Variants in RNPS1 observed in about 807,000 individuals in gnomAD.
RNPS1 encodes the protein RNA-binding protein with serine-rich domain 1.
For synonymous variants in RNPS1, 147 were observed against 150.0 expected, an observed-to-expected ratio of 0.98 and a Z score of 0.15; for missense variants, 300 against 427.6, an observed-to-expected ratio of 0.70 and a Z score of 2.63.
intron 6 of RNPS1, among the ~76,000 whole-genome samples, chr16:2,259,510 TC>T (rs1353305684): frequency 6.6e-6 from 1 of 152,242 alleles, no homozygotes; most frequent in Non-Finnish European, 1.5e-5. Context: ...GCTATAGAGT[TC>T]TAACAGTTGC....
intron 6 of RNPS1, among the ~76,000 whole-genome samples, chr16:2,260,147 CTTTTT>C (rs776703032): frequency 2.4e-3 from 175 of 72,406 alleles, no homozygotes; most frequent in Non-Finnish European, 4.3e-3. Context: ...TGTGTGTATT[CTTTTT>C]TTTTTTTTTT....
intron 6 of RNPS1, among the ~76,000 whole-genome samples, chr16:2,260,473 G>A (rs746838432): frequency 2.0e-5 from 3 of 152,000 alleles, no homozygotes; most frequent in Non-Finnish European, 4.4e-5. Context: ...ATAAAAATCC[G>A]TTTTCTTTTG....
At chr16:2,266,600 G>A (rs954188439) in intron 1 of RNPS1, 5 of 985,118 alleles carry the variant, frequency 5.1e-6, no homozygotes, top group African/African-American at 1.7e-5. Flanking sequence ...GTATCTCCAC[G>A]TCCGGAGGCT....
intron 1 of RNPS1, chr16:2,266,673 T>C: frequency 2.0e-6 from 2 of 985,442 alleles, no homozygotes; most frequent in Non-Finnish European, 2.4e-6. Flanking sequence ...GCTGGGTTCC[T>C]GCACCCACCC....
Position 2,268,106 on chromosome 16 carries a change from C to T in RNPS1, c.-169G>A. ...TGCTTTCCTCAGCCGCCGAGGCCGG[C>T]GCCGCTCTGACGTCAGAGTCAAGGA... is the stretch of plus-strand genomic sequence containing the variant. On this transcript the variant is annotated 5_prime_UTR_variant, in exon 1 of 8. Coordinates refer to ENST00000320225, the MANE Select transcript of RNPS1 (RefSeq NM_080594.4). The T allele has an allele frequency of 1.3e-6, 2 of 1,535,070 alleles. No homozygotes were observed. The highest frequency in any genetic ancestry group is 2.4e-5 in the South Asian group (2 of 84,030).
chr16:2,262,108 G>A (rs1326402409), intron 6 of RNPS1, 170 bp downstream of exon 6: 2 of 530,996 alleles, frequency 3.8e-6, no homozygotes, highest in East Asian at 3.0e-5. Flanking sequence ...ATGAGAAATA[G>A]CAGCCCAAAC....
rs748519046 is a variant in RNPS1 at position 2,264,685 on chromosome 16, C to A, written c.-42G>T. 3.1e-6 allele frequency: 5 copies of A among 1,604,162 alleles called. No homozygotes were observed. The highest frequency in any genetic ancestry group is 4.2e-6 in the Non-Finnish European group (5 of 1,178,774). On this transcript the variant is annotated 5_prime_UTR_variant, in exon 2 of 8. Coordinates refer to ENST00000320225, the MANE Select transcript of RNPS1 (RefSeq NM_080594.4). The stretch of plus-strand genomic sequence containing the variant: ...GTTCAAAGCAGCAATGGCGGCCTCA[C>A]TTATCTGAACTCTCACTTCTAACTT...
intron 7 of RNPS1, among the ~76,000 whole-genome samples, chr16:2,255,228 C>A (rs527735873): frequency 6.6e-6 from 1 of 152,342 alleles, no homozygotes; most frequent in South Asian, 2.1e-4. Flanking sequence ...GGGATTACCA[C>A]CCCCGCCCCA....
At chr16:2,264,360 C>T (rs762443512) in intron 2 of RNPS1, 29 bp from the exon 3 acceptor site, 102 of 1,613,714 alleles carry the variant, frequency 6.3e-5, no homozygotes, top group Non-Finnish European at 8.1e-5. Context: ...TGTGAGATTG[C>T]GTGCTCCTCT....
chr16:2,259,226 C>T (rs2093591853), intron 6 of RNPS1, among the ~76,000 whole-genome samples: 2 of 151,756 alleles, frequency 1.3e-5, no homozygotes, highest in African/African-American at 4.8e-5. Context: ...GAAGCACTAC[C>T]AAATATAAAA....
intron 6 of RNPS1, among the ~76,000 whole-genome samples, chr16:2,261,835 C>T (rs1175790777): frequency 1.3e-5 from 2 of 152,146 alleles, no homozygotes; most frequent in Non-Finnish European, 2.9e-5. Context: ...CACTCACAGC[C>T]ATTTAAATTA....
At chr16:2,267,559 G>A (rs1253359988) in intron 1 of RNPS1, 4 of 1,052,900 alleles carry the variant, frequency 3.8e-6, no homozygotes, top group African/African-American at 3.4e-5. Context: ...TGACTCCGAA[G>A]GGGGGATCGG....
chr16:2,266,351 C>T, intron 1 of RNPS1: 1 of 985,422 alleles, frequency 1.0e-6, no homozygotes, highest in South Asian at 4.7e-5. Flanking sequence ...AGACACCCAG[C>T]AGATAGTGCC....
chr16:2,267,847 G>A (rs1033326699), intron 1 of RNPS1: 46 of 1,509,276 alleles, frequency 3.0e-5, no homozygotes, highest in African/African-American at 5.7e-5. Flanking sequence ...TCCGTCCGCA[G>A]CGGCCCCGAC....
At chr16:2,266,958 G>A in intron 1 of RNPS1, 2 of 211,688 alleles carry the variant, frequency 9.4e-6, no homozygotes, top group Non-Finnish European at 1.6e-5. Flanking sequence ...GTGGCCAATG[G>A]CTACTTGGCT....
intron 3 of RNPS1, 137 bp from the exon 4 acceptor site, chr16:2,263,424 G>C: frequency 1.3e-6 from 1 of 787,098 alleles, no homozygotes; most frequent in South Asian, 1.7e-5. Context: ...TCAGCAGTGG[G>C]GAAAACATCA....
At position 2,265,832 on chromosome 16, in the gene RNPS1, GTTTT is replaced by G. The variant is rs571585753; in HGVS notation, c.-117-1076_-117-1073del. On this transcript the variant is annotated intron_variant, in intron 1 of 7. Coordinates refer to ENST00000320225, the MANE Select transcript of RNPS1 (RefSeq NM_080594.4). ...TAACTGTATAACTCGACCTTCCTGT[GTTTT>G]TTTTAACATTTTTCAAAAATAAGAT... is the stretch of plus-strand genomic sequence containing the variant. The G allele has an allele frequency of 3.3e-5, 5 of 152,216 alleles. No individual in the cohort carries two copies. In the East Asian group the frequency reaches 9.7e-4, roughly 29 times the overall value. 9.4% of individuals were successfully genotyped at this position (152,216 alleles called of 1,614,324 possible). A position where few individuals can be genotyped will look rare whatever the true frequency, so the allele number is the denominator to read the frequency against.
chr16:2,264,433 G>A (rs1462800289), intron 2 of RNPS1, 102 bp from the exon 3 acceptor site: 11 of 1,567,040 alleles, frequency 7.0e-6, no homozygotes, highest in East Asian at 4.5e-5. Context: ...ACAGAGACCC[G>A]AGGTGACCAC....
At chr16:2,261,239 A>G (rs2093601903) in intron 6 of RNPS1, among the ~76,000 whole-genome samples, 1 of 152,140 alleles carries the variant, frequency 6.6e-6, no homozygotes, top group Admixed American at 6.5e-5. Context: ...AATCTAAGCT[A>G]TGCTTTCCTC....
Sources: allele counts gnomAD v4.1 joint callset (sites outside exome capture counted in the v4.1 genomes callset), GRCh38; gene constraint gnomAD v4.1.1; transcripts MANE v1.5; gene names NCBI Gene and HGNC (gene_info 2026-07-23, HGNC 2026-07-21).